MOSPD2: variants seen among roughly 807,000 people sequenced by gnomAD.
MOSPD2 encodes the protein motile sperm domain-containing protein 2.
A neutral mutation model predicts 41.7 loss-of-function variants in MOSPD2; 5 were observed. That is an observed-to-expected ratio of 0.12 (90% CI 0.06 to 0.25). The LOEUF (loss-of-function observed/expected upper bound fraction) is 0.25. Ranked by LOEUF, MOSPD2 falls within the 10% of genes least tolerant of loss-of-function variation. The pLI is 1.00. For synonymous variants in MOSPD2, 115 were observed against 126.9 expected (o/e 0.91, Z 0.63); for missense variants, 282 against 375.2 (o/e 0.75, Z 2.05).
chrX:14,889,314 C>T (rs1358938743), intron 2 of MOSPD2, among the ~76,000 whole-genome samples: 1 of 111,762 alleles, frequency 8.9e-6, no homozygotes, highest in Non-Finnish European at 1.9e-5. Flanking sequence ...AATTTCCAAT[C>T]GCTTGAGGGC....
intron 14 of MOSPD2, among the ~76,000 whole-genome samples, chrX:14,919,445 C>T (rs2092605636): frequency 1.8e-5 from 2 of 111,640 alleles, no homozygotes; most frequent in African/African-American, 6.5e-5. Context: ...TGCTCTGCTC[C>T]TGTCTCAACT....
At chrX:14,879,543 G>A (rs770222447) in intron 2 of MOSPD2, among the ~76,000 whole-genome samples, 1 of 111,263 alleles carries the variant, frequency 9.0e-6, no homozygotes, top group Admixed American at 9.6e-5. Flanking sequence ...ACCTAATACA[G>A]TAACTAGCAA....
intron 7 of MOSPD2, among the ~76,000 whole-genome samples, chrX:14,906,719 C>T (rs1364575354): frequency 8.9e-6 from 1 of 111,749 alleles, no homozygotes; most frequent in Non-Finnish European, 1.9e-5. Flanking sequence ...AGAACTCTTA[C>T]AATGCAATGT....
rs185283427 is a variant in MOSPD2, at chrX:14,920,702, C to T, written c.*893C>T. 27 of 751,600 alleles carry T rather than the reference C, an allele frequency of 3.6e-5. No homozygotes were observed. The highest frequency in any genetic ancestry group is 1.6e-6 in the Non-Finnish European group (1 of 638,639). The allele number at this position is 751,600 out of a possible 1,213,427, so 61.9% of individuals were successfully genotyped here. ...AGGAGTCTCTGTGGACCATGAATTG[C>T]ACTGTCTCCCTCCTCATTTCTAAAT... On this transcript the variant is annotated 3_prime_UTR_variant, in exon 15 of 15. Coordinates refer to ENST00000380492, the MANE Select transcript of MOSPD2 (RefSeq NM_152581.4).
rs551314875 is a variant in MOSPD2 at position 14,896,475 on chromosome X, C to T, written c.323-609C>T. 3.1e-4 allele frequency among the ~76,000 whole-genome samples: 35 copies of T among 112,108 alleles called. 1 individual carries two copies. The South Asian group carries it at 5.9e-3, about 19-fold the overall frequency. ...CCCCAGTCCCTTCCCAGGTCATAAC[C>T]TGGTGGGTTTCCTTCTCTGCCTCCT... On this transcript the variant is annotated intron_variant, in intron 4 of 14. Transcript: ENST00000380492.
chrX:14,873,572 G>A lies in MOSPD2; in HGVS notation c.9+35G>A, dbSNP rs201016665. On this transcript the variant is annotated intron_variant, in intron 1 of 14. Transcript: ENST00000380492. The stretch of plus-strand genomic sequence containing the variant: ...CTATTGCACCGCCGCTGGCCCCCCG[G>A]ACCCGGAAGCCGCCTCTGAGGCCCG... 4.5e-5 allele frequency: 55 copies of A among 1,210,302 alleles called. 1 individual carries two copies. The Middle Eastern group carries it at 9.2e-4, about 20-fold the overall frequency.
intron 9 of MOSPD2, 83 bp downstream of exon 9, chrX:14,911,496 G>A: frequency 1.4e-6 from 1 of 714,078 alleles, no homozygotes; most frequent in Non-Finnish European, 2.0e-6. Context: ...GTGATTTTGG[G>A]TAATTCACTT....
rs1277308384 is a variant in MOSPD2, at chrX:14,878,893, A to G, written c.79+5135A>G. Among the ~76,000 whole-genome samples, 4 of 111,745 alleles carry G rather than the reference A, an allele frequency of 3.6e-5. No homozygotes were observed. The East Asian group carries it at 1.1e-3, about 31-fold the overall frequency. ...ACACTCATGTGCTCACTACTCAGCC[A>G]AAGAACTAGAGCCTCCCAGTACCTT... is the stretch of plus-strand genomic sequence containing the variant. On this transcript the variant is annotated intron_variant, in intron 2 of 14. Coordinates refer to ENST00000380492, the MANE Select transcript of MOSPD2 (RefSeq NM_152581.4).
Position 14,920,052 on chromosome X carries a change from G to A in MOSPD2, c.*243G>A, listed in dbSNP as rs1205249901. On this transcript the variant is annotated 3_prime_UTR_variant, in exon 15 of 15. Transcript: ENST00000380492. Reference sequence around the variant, plus strand: ...TAAAGTAAGTAAAGGCATATCCATTGTGTAAATTAATAGTTTAAATATAAT... The same window carrying A: ...TAAAGTAAGTAAAGGCATATCCATTATGTAAATTAATAGTTTAAATATAAT... The A allele has an allele frequency of 6.2e-6, 5 of 806,479 alleles. No individual in the cohort carries two copies. Among genetic ancestry groups the A allele is most frequent in the Non-Finnish European group, 7.6e-6 (5 of 658,999 alleles). 66.5% of individuals were successfully genotyped at this position (806,479 alleles called of 1,213,427 possible).
intron 13 of MOSPD2, 32 bp from the exon 14 acceptor site, chrX:14,918,648 T>G (rs780316213): frequency 1.0e-6 from 1 of 999,103 alleles, no homozygotes; most frequent in Non-Finnish European, 1.4e-6. Context: ...ATTAACTTTT[T>G]AAGAAGTTAT....
intron 6 of MOSPD2, among the ~76,000 whole-genome samples, 196 bp from the exon 7 acceptor site, chrX:14,902,770 C>T (rs777922738): frequency 8.9e-6 from 1 of 111,975 alleles, no homozygotes; most frequent in African/African-American, 3.2e-5. Flanking sequence ...GGCACCTCAC[C>T]ATTGTGACAT....
At chrX:14,901,925 A>T (rs868208677) in intron 6 of MOSPD2, among the ~76,000 whole-genome samples, 32 of 110,385 alleles carry the variant, frequency 2.9e-4, no homozygotes, top group Middle Eastern at 4.7e-3. Flanking sequence ...ATAGATCTAT[A>T]TAAAGATGAG....
chrX:14,902,717 T>G (rs1483067682), intron 6 of MOSPD2, among the ~76,000 whole-genome samples: 6 of 112,057 alleles, frequency 5.4e-5, no homozygotes, highest in Non-Finnish European at 5.6e-5. Flanking sequence ...CAGAGGACAG[T>G]GACAGTGCAC....
Sources: gnomAD v4.1 joint callset for allele counts (sites outside exome capture counted in the v4.1 genomes callset) on GRCh38, gnomAD v4.1.1 for gene constraint, MANE v1.5 for transcripts, NCBI Gene and HGNC (gene_info 2026-07-23, HGNC 2026-07-21) for gene names.